The following ARMC8 variants were observed in gnomAD, a reference collection of about 807,000 sequenced individuals.
ARMC8 encodes the protein armadillo repeat-containing protein 8.
ARMC8 carries 20 observed loss-of-function variants against 99.3 expected under a neutral mutation model. That is an observed-to-expected ratio of 0.20 (90% confidence interval 0.14 to 0.29). The LOEUF (loss-of-function observed/expected upper bound fraction) is 0.29. Ranked by LOEUF, ARMC8 falls within the 10% of genes least tolerant of loss-of-function variation. The pLI, the probability that ARMC8 is intolerant of heterozygous loss-of-function variation, is 1.00. For missense variants in ARMC8, 569 were observed against 809.5 expected, an observed-to-expected ratio of 0.70 and a Z score of 3.60; for synonymous variants, 263 against 278.3, an observed-to-expected ratio of 0.95 and a Z score of 0.55.
chr3:138,187,806 G>C (rs2043150923), intron 1 of ARMC8: 1 of 568,314 alleles, frequency 1.8e-6, no homozygotes, highest in Admixed American at 3.2e-5. Flanking sequence ...TCCAACTCCG[G>C]GAGCTCCCGC....
chr3:138,257,742 C>T (rs552162790), intron 12 of ARMC8, among the ~76,000 whole-genome samples: 2 of 152,176 alleles, frequency 1.3e-5, no homozygotes, highest in Non-Finnish European at 2.9e-5. Flanking sequence ...GACTCAAGTG[C>T]GTGTCCTGGG....
At chr3:138,217,443 A>G (rs2045129136) in intron 2 of ARMC8, among the ~76,000 whole-genome samples, 1 of 149,216 alleles carries the variant, frequency 6.7e-6, no homozygotes, top group African/African-American at 2.5e-5. Context: ...TAATAGCAAC[A>G]TATAGTGCTT....
intron 14 of ARMC8, among the ~76,000 whole-genome samples, chr3:138,265,308 A>G (rs1293951863): frequency 6.6e-6 from 1 of 152,202 alleles, no homozygotes; most frequent in Admixed American, 6.5e-5. Context: ...GACTTAGAGC[A>G]TGTATCAAGT....
chr3:138,251,118 C>T (rs2047104431), intron 12 of ARMC8, among the ~76,000 whole-genome samples: 1 of 151,748 alleles, frequency 6.6e-6, no homozygotes, highest in African/African-American at 2.4e-5. Context: ...ACTGTCACAC[C>T]ACTGTACTAC....
intron 5 of ARMC8, among the ~76,000 whole-genome samples, chr3:138,227,908 C>T (rs570810785): frequency 2.0e-5 from 3 of 152,210 alleles, no homozygotes; most frequent in Non-Finnish European, 4.4e-5. Context: ...TGAGCTAAGT[C>T]TCCTTTTTTA....
chr3:138,244,216 TTTG>T (rs1467160375), intron 11 of ARMC8, among the ~76,000 whole-genome samples: 1 of 152,074 alleles, frequency 6.6e-6, no homozygotes, highest in East Asian at 1.9e-4. Flanking sequence ...TAGTATACGG[TTTG>T]TTAAGCATTT....
intron 1 of ARMC8, among the ~76,000 whole-genome samples, chr3:138,192,163 T>C (rs2043422614): frequency 6.6e-6 from 1 of 152,192 alleles, no homozygotes; most frequent in South Asian, 2.1e-4. Context: ...GATACTGTTA[T>C]TATTTTTATT....
chr3:138,187,368 T>G lies in ARMC8; in HGVS notation c.-187T>G, dbSNP rs2043119741. 1.7e-6 allele frequency: 1 copy of G among 585,694 alleles called. No individual in the cohort carries two copies. The highest frequency in any genetic ancestry group is 3.0e-6 in the Non-Finnish European group (1 of 329,180). 36.3% of individuals were successfully genotyped at this position (585,694 alleles called of 1,614,324 possible). On this transcript the variant is annotated 5_prime_UTR_variant, in exon 1 of 22. Transcript: ENST00000469044. Reference sequence around the variant, plus strand: ...AGAGAACGATTCGTAGGACAGCCCCTGACGCCATTCCCTTTTGCCCTTCTT... The same window carrying G: ...AGAGAACGATTCGTAGGACAGCCCCGGACGCCATTCCCTTTTGCCCTTCTT...
Position 138,284,442 on chromosome 3 carries a change from C to A in ARMC8, c.1737C>A (p.Ile579=). 6.2e-7 allele frequency: 1 copy of A among 1,613,232 alleles called. No individual in the cohort carries two copies. The highest frequency in any genetic ancestry group is 8.5e-7 in the Non-Finnish European group (1 of 1,179,240). Reference sequence around the variant, plus strand: ...TTGTTCTTTTCCAGACACTGTGCATCTTAGCCAACATAGCGGATGGGACAA... The same window carrying A: ...TTGTTCTTTTCCAGACACTGTGCATATTAGCCAACATAGCGGATGGGACAA... ...NIEVKEQTLC[I]LANIADGTTA... is the part of the protein sequence containing the mutation. The change falls in exon 19 of 22, where the codon ATC becomes ATA. Residue 579 remains isoleucine, a synonymous_variant. Transcript: ENST00000469044.
intron 11 of ARMC8, among the ~76,000 whole-genome samples, chr3:138,243,090 G>A (rs1260104606): frequency 6.6e-6 from 1 of 152,144 alleles, no homozygotes. Context: ...GCAACCCTTA[G>A]CTACTGCCTC....
chr3:138,233,167 T>C (rs965703525), intron 6 of ARMC8, among the ~76,000 whole-genome samples: 6 of 152,340 alleles, frequency 3.9e-5, no homozygotes, highest in African/African-American at 1.4e-4. Context: ...GAGCAGTGCC[T>C]GGCACTGGTA....
At chr3:138,245,578 A>G (rs1015105826) in intron 12 of ARMC8, 2 of 1,046,478 alleles carry the variant, frequency 1.9e-6, no homozygotes, top group Admixed American at 5.1e-5. Context: ...TGAGAAATTC[A>G]AATCTCTATT....
At position 138,296,194 on chromosome 3, in the gene ARMC8, C is replaced by T. The variant is rs989400260; in HGVS notation, c.*302C>T. 6 of 303,258 alleles carry T rather than the reference C, an allele frequency of 2.0e-5. No homozygotes were observed. The highest frequency in any genetic ancestry group is 3.7e-5 in the Non-Finnish European group (6 of 162,206). 18.8% of individuals were successfully genotyped at this position (303,258 alleles called of 1,614,324 possible). ...ACAATTTTTGCCTATGCTGCAGCCA[C>T]TTTGTGAGTGAGAATGAATATGTCT... On this transcript the variant is annotated 3_prime_UTR_variant, in exon 22 of 22. Transcript: ENST00000469044.
In ARMC8 at chr3:138,209,868, C is replaced by G; in HGVS notation, c.97C>G (p.Pro33Ala). The G allele has an allele frequency of 6.2e-7, 1 of 1,613,742 alleles. No individual in the cohort carries two copies. Among genetic ancestry groups the G allele is most frequent in the Non-Finnish European group, 8.5e-7 (1 of 1,179,750 alleles). ...TGTTGACAGGCTATTTGACCCTGAT[C>G]CCCAGAAAGTTCTACAAGGTGTCAT... The part of the protein sequence containing the change: ...HYVDRLFDPD[P>A]QKVLQGVIDM... The change falls in exon 2 of 22, where the codon CCC becomes GCC. Residue 33 changes from proline to alanine, a missense_variant. By Grantham distance (27) the Pro-to-Ala change is conservative. Around this residue, in one of 2 missense-constraint regions of ARMC8, gnomAD observed 342 missense variants for 391.6 expected, o/e 0.87. Transcript: ENST00000469044.
intron 11 of ARMC8, among the ~76,000 whole-genome samples, chr3:138,244,684 A>G (rs1279487818): frequency 6.6e-6 from 1 of 152,238 alleles, no homozygotes; most frequent in Non-Finnish European, 1.5e-5. Context: ...TCAGGTTATC[A>G]GCTGTAGTCT....
chr3:138,218,080 T>C (rs1559939719), intron 2 of ARMC8, among the ~76,000 whole-genome samples: 1 of 152,140 alleles, frequency 6.6e-6, no homozygotes, highest in Non-Finnish European at 1.5e-5. Context: ...TGTGCTAGTA[T>C]GGGGGTATAT....
chr3:138,261,086 C>G (rs1054238101), intron 12 of ARMC8, among the ~76,000 whole-genome samples: 5 of 152,168 alleles, frequency 3.3e-5, no homozygotes, highest in African/African-American at 1.2e-4. Flanking sequence ...GTTTCAAGAA[C>G]AGTGACTAGT....
rs2044419988 is a variant in ARMC8 at position 138,207,188 on chromosome 3, CA to C, written c.46-2626del. On this transcript the variant is annotated intron_variant, in intron 1 of 21. Transcript: ENST00000469044. ...TCCTGGTACACTCTTACTCATTTTC[CA>C]AAGCCAATTCCTGAAAGAAGCCTTC... Among the ~76,000 whole-genome samples the C allele has an allele frequency of 2.0e-5, 3 of 152,330 alleles. No homozygotes were observed. The South Asian group carries it at 6.2e-4, about 32-fold the overall frequency.
intron 18 of ARMC8, among the ~76,000 whole-genome samples, chr3:138,276,702 T>C (rs1469653074): frequency 6.6e-6 from 1 of 152,164 alleles, no homozygotes; most frequent in Non-Finnish European, 1.5e-5. Flanking sequence ...ATTCTATGTA[T>C]AAATCTCACA....
Sources: allele counts gnomAD v4.1 joint callset (sites outside exome capture counted in the v4.1 genomes callset), GRCh38; gene constraint gnomAD v4.1.1; regional missense constraint gnomAD v4.1.1; transcripts MANE v1.5; gene names NCBI Gene and HGNC (gene_info 2026-07-23, HGNC 2026-07-21).